The following MAP3K7 variants were observed in gnomAD, a reference collection of about 807,000 sequenced individuals.
MAP3K7 encodes the protein mitogen-activated protein kinase kinase kinase 7, also known as TGF-beta activated kinase 1.
A neutral mutation model predicts 84.8 loss-of-function variants in MAP3K7; 21 were observed. The observed-to-expected ratio is 0.25, with a 90% CI of 0.18 to 0.36. The LOEUF (loss-of-function observed/expected upper bound fraction) is 0.36. MAP3K7 is among the 10% of genes least tolerant of loss of function. The pLI is 1.00. For missense variants in MAP3K7, 503 were observed against 747.7 expected (o/e 0.67, Z 3.82); for synonymous variants, 241 against 247.7 (o/e 0.97, Z 0.25).
intron 16 of MAP3K7, among the ~76,000 whole-genome samples, chr6:90,516,941 A>C (rs968480866): frequency 1.1e-4 from 17 of 152,088 alleles, no homozygotes; most frequent in African/African-American, 4.1e-4. Context: ...TAAAAGTTTC[A>C]GAAAATTTCA....
chr6:90,586,879 G>A lies in MAP3K7; in HGVS notation c.5C>T (p.Ser2Phe). The change falls in exon 1 of 17, where the codon TCT becomes TTT. Residue 2 changes from serine (S) to phenylalanine (F), a missense_variant. Transcript: ENST00000369329. Reference sequence around the variant, plus strand: ...GGAGGAGGAGGCGGCAGAGGCTGTAGACATGATCCCTCGCGGCGCCCGGTG... The same window carrying A: ...GGAGGAGGAGGCGGCAGAGGCTGTAAACATGATCCCTCGCGGCGCCCGGTG... MSTASAASSSSS... is the reference protein window; with the variant it reads MFTASAASSSSS... 1 of 1,606,114 alleles carries A rather than the reference G, an allele frequency of 6.2e-7. No homozygotes were observed. Among genetic ancestry groups the A allele is most frequent in the Non-Finnish European group, 8.5e-7 (1 of 1,176,922 alleles).
chr6:90,547,237 A>G lies in MAP3K7; in HGVS notation c.1210+21T>C, dbSNP rs1399935999. 3.1e-6 allele frequency: 5 copies of G among 1,612,990 alleles called. No individual in the cohort carries two copies. In the African/African-American group the frequency reaches 6.7e-5, roughly 22 times the overall value. On this transcript the variant is annotated intron_variant, in intron 11 of 16. Coordinates refer to ENST00000369329, the MANE Select transcript of MAP3K7 (RefSeq NM_145331.3). ...AGGCTTATATACATTTTCACTCTTC[A>G]GACTTGTAGTTCCTTTTTACCTGTG...
chr6:90,568,442 A>G (rs1426871159), intron 3 of MAP3K7, 116 bp downstream of exon 3: 3 of 705,686 alleles, frequency 4.3e-6, no homozygotes, highest in Non-Finnish European at 7.0e-6. Flanking sequence ...GAAAAAATAT[A>G]ATATTTTTGA....
At chr6:90,566,801 G>C (rs1430375729) in intron 3 of MAP3K7, among the ~76,000 whole-genome samples, 1 of 152,134 alleles carries the variant, frequency 6.6e-6, no homozygotes, top group African/African-American at 2.4e-5. Context: ...CACGCTACCT[G>C]ACTTCAAACT....
rs1776064603 is a variant in MAP3K7, at chr6:90,548,153, G to T, written c.974C>A (p.Thr325Lys). The change falls in exon 10 of 17, where the codon ACA becomes AAA. Residue 325 changes from threonine to lysine, a missense_variant. By Grantham distance (78) the Thr-to-Lys change is moderately conservative. Coordinates refer to ENST00000369329, the MANE Select transcript of MAP3K7 (RefSeq NM_145331.3). ...AGTGTCACTTTTGTTACTCGTATTT[G>T]TAGAAGCAATGTCCATGAATGAGCC... ...STGSFMDIAS[T>K]NTSNKSDTNM... 10 of 1,611,384 alleles carry T rather than the reference G, an allele frequency of 6.2e-6. No individual in the cohort carries two copies. The highest frequency in any genetic ancestry group is 8.5e-6 in the Non-Finnish European group (10 of 1,178,672).
intron 3 of MAP3K7, among the ~76,000 whole-genome samples, chr6:90,567,232 G>A (rs1481250497): frequency 1.3e-5 from 2 of 152,148 alleles, no homozygotes; most frequent in African/African-American, 4.8e-5. Context: ...TTAAACTAAC[G>A]AGCTTCTGCA....
intron 12 of MAP3K7, 90 bp downstream of exon 12, chr6:90,544,462 T>G: frequency 8.8e-7 from 1 of 1,130,646 alleles, no homozygotes; most frequent in South Asian, 1.3e-5. Context: ...TCATGTCTTG[T>G]AAAAATTGGA....
At position 90,568,584 on chromosome 6, in the gene MAP3K7, T is replaced by G. The variant is rs1309935275; in HGVS notation, c.271A>C (p.Lys91Gln). ...LSRVNHPNIV[K>Q]LYGACLNPVC... ...GGATTCAAGCAGGCTCCATAAAGCT[T>G]TACAATATTAGGATGGTTCACACGG... Residue 91 changes from lysine to glutamine, a missense_variant, in exon 3 of 17, where the codon AAG becomes CAG. By Grantham distance (53) the Lys-to-Gln change is moderately conservative. This residue lies in a region of MAP3K7 where 97 missense variants were observed against 270.8 expected (regional missense o/e 0.36). Transcript: ENST00000369329. 2 of 1,609,016 alleles carry G rather than the reference T, an allele frequency of 1.2e-6. No individual in the cohort carries two copies. Among genetic ancestry groups the G allele is most frequent in the Non-Finnish European group, 1.7e-6 (2 of 1,178,844 alleles).
chr6:90,579,927 A>C (rs1777213472), intron 1 of MAP3K7, among the ~76,000 whole-genome samples: 2 of 152,212 alleles, frequency 1.3e-5, no homozygotes, highest in Admixed American at 1.3e-4. Flanking sequence ...AAGAAAGTTC[A>C]TTACTGTCTG....
At chr6:90,551,431 C>T (rs1042940503) in intron 8 of MAP3K7, 2 of 151,960 alleles carry the variant, frequency 1.3e-5, no homozygotes, top group Non-Finnish European at 2.9e-5. Flanking sequence ...AAACCAGAGG[C>T]GTAAAATATT....
rs544925680 is a variant in MAP3K7 at position 90,549,170 on chromosome 6, A to G, written c.950-993T>C. Among the ~76,000 whole-genome samples the G allele has an allele frequency of 1.4e-3, 212 of 152,280 alleles. No individual in the cohort carries two copies. The Middle Eastern group carries it at 0.02, about 15-fold the overall frequency. On this transcript the variant is annotated intron_variant, in intron 9 of 16. Coordinates refer to ENST00000369329, the MANE Select transcript of MAP3K7 (RefSeq NM_145331.3). ...CTTTGGCCAGAAGTATGGATAGTTT[A>G]GCCAGAGTAACAGAAGAAAGCAGAG...
chr6:90,586,747 T>G lies in MAP3K7; in HGVS notation c.120+17A>C. Reference sequence around the variant, plus strand: ...GGGCAGGCCGGGACCGGCGTCTCCATGCCGGGCCTCGCTCACCTCTTCCAC... The same window carrying G: ...GGGCAGGCCGGGACCGGCGTCTCCAGGCCGGGCCTCGCTCACCTCTTCCAC... On this transcript the variant is annotated intron_variant, in intron 1 of 16. Transcript: ENST00000369329. 1 of 1,570,700 alleles carries G rather than the reference T, an allele frequency of 6.4e-7. No individual in the cohort carries two copies. The highest frequency in any genetic ancestry group is 8.6e-7 in the Non-Finnish European group (1 of 1,157,708).
Position 90,553,495 on chromosome 6 carries a change from A to G in MAP3K7, c.699T>C (p.Gly233=). 1 of 1,614,128 alleles carries G rather than the reference A, an allele frequency of 6.2e-7. No individual in the cohort carries two copies. The highest frequency in any genetic ancestry group is 8.5e-7 in the Non-Finnish European group (1 of 1,180,000). Residue 233 remains glycine, a synonymous_variant, in exon 7 of 17, where the codon GGT becomes GGC. Transcript: ENST00000369329. ...ITRRKPFDEI[G]GPAFRIMWAV... Reference sequence around the variant, plus strand: ...CCCACATGATTCGGAAAGCTGGGCCACCAATCTCATCAAAGGGTTTCCGAC... The same window carrying G: ...CCCACATGATTCGGAAAGCTGGGCCGCCAATCTCATCAAAGGGTTTCCGAC...
chr6:90,561,302 A>C (rs1332862367), intron 4 of MAP3K7, among the ~76,000 whole-genome samples: 2 of 152,004 alleles, frequency 1.3e-5, no homozygotes, highest in Non-Finnish European at 2.9e-5. Context: ...TAAAATGAGG[A>C]GGCTCAAAGT....
rs369324818 is a variant in MAP3K7 at position 90,548,193 on chromosome 6, A to G, written c.950-16T>C. On this transcript the variant is annotated splice_polypyrimidine_tract_variant and intron_variant, in intron 9 of 16. Transcript: ENST00000369329. ...ATGAATGAGCCTAGGAAAAGCAGAA[A>G]CATTTATGACTAATGGCTGGAAATA... 5.6e-6 allele frequency: 9 copies of G among 1,596,694 alleles called. No individual in the cohort carries two copies. In the African/African-American group the frequency reaches 1.2e-4, roughly 22 times the overall value.
intron 4 of MAP3K7, among the ~76,000 whole-genome samples, chr6:90,560,500 T>G (rs1450379100): frequency 6.6e-6 from 1 of 152,198 alleles, no homozygotes; most frequent in Non-Finnish European, 1.5e-5. Flanking sequence ...TAGCTGGGAC[T>G]ACAGGCGTGT....
intron 9 of MAP3K7, among the ~76,000 whole-genome samples, chr6:90,548,558 G>A (rs1776078301): frequency 6.6e-6 from 1 of 151,956 alleles, no homozygotes; most frequent in South Asian, 2.1e-4. Flanking sequence ...GGAAATAGTT[G>A]GATATATGAG....
chr6:90,560,565 T>C (rs1259431678), intron 4 of MAP3K7, among the ~76,000 whole-genome samples: 13 of 152,182 alleles, frequency 8.5e-5, no homozygotes. Flanking sequence ...TATCACCATG[T>C]TGGCCAGGAT....
intron 12 of MAP3K7, among the ~76,000 whole-genome samples, chr6:90,540,968 G>T (rs1582186245): frequency 6.6e-6 from 1 of 151,956 alleles, no homozygotes; most frequent in East Asian, 1.9e-4. Flanking sequence ...TATTTCATTT[G>T]TGTACTTGAG....
Sources: gnomAD v4.1 joint callset for allele counts (sites outside exome capture counted in the v4.1 genomes callset) on GRCh38, gnomAD v4.1.1 for gene constraint, gnomAD v4.1.1 regional missense constraint, MANE v1.5 for transcripts, NCBI Gene and HGNC (gene_info 2026-07-23, HGNC 2026-07-21) for gene names.